Variants in NPIPA5 observed in about 807,000 individuals in gnomAD.
NPIPA5 encodes the protein nuclear pore complex interacting protein family member A5.
NPIPA5 carries 6 observed loss-of-function variants against 21.4 expected under a neutral mutation model. The observed-to-expected ratio is 0.28, with a 90% CI of 0.15 to 0.55. NPIPA5 has a LOEUF of 0.55. Ranked by LOEUF, NPIPA5 falls within the 20% of genes least tolerant of loss-of-function variation. NPIPA5 has a pLI of 0.93. For synonymous variants in NPIPA5, 33 were observed against 115.3 expected (o/e 0.29, Z 4.57); for missense variants, 99 against 318.2 (o/e 0.31, Z 5.24).
intron 2 of NPIPA5, among the ~76,000 whole-genome samples, 200 bp from the exon 3 acceptor site, chr16:15,370,319 C>T (rs868393786): frequency 8.3e-5 from 12 of 145,134 alleles, no homozygotes; most frequent in Middle Eastern, 3.5e-3. Flanking sequence ...CCAAGCTACT[C>T]GGGAGGCTGA....
At chr16:15,374,218 G>C (rs1368278315) in intron 1 of NPIPA5, among the ~76,000 whole-genome samples, 2 of 148,492 alleles carry the variant, frequency 1.3e-5, no homozygotes, top group African/African-American at 2.5e-5. Flanking sequence ...TTTTGAGACA[G>C]AGTTCTGCTC....
At chr16:15,367,094 A>T (rs565384094) in intron 4 of NPIPA5, among the ~76,000 whole-genome samples, 1 of 151,248 alleles carries the variant, frequency 6.6e-6, no homozygotes, top group African/African-American at 2.5e-5. Flanking sequence ...TTGACACAGC[A>T]AAAGCTCATT....
chr16:15,371,045 C>CAAA (rs757452192), intron 2 of NPIPA5, among the ~76,000 whole-genome samples: 1 of 49,380 alleles, frequency 2.0e-5, no homozygotes. Flanking sequence ...GACTCCGTCT[C>CAAA]AAAAAAAAAA....
intron 1 of NPIPA5, among the ~76,000 whole-genome samples, chr16:15,377,700 A>G (rs1598408519): frequency 4.2e-5 from 3 of 70,642 alleles, no homozygotes; most frequent in Non-Finnish European, 9.0e-5. Flanking sequence ...AAAGGAGGAG[A>G]AGGGGGCTGT....
upstream of NPIPA5, among the ~76,000 whole-genome samples, chr16:15,380,501 T>C (rs2050413503): frequency 1.3e-5 from 2 of 151,988 alleles, no homozygotes; most frequent in African/African-American, 4.8e-5. Flanking sequence ...TTTTGTATTT[T>C]TAGTAGGGAC....
intron 1 of NPIPA5, among the ~76,000 whole-genome samples, chr16:15,376,830 T>C (rs568814097): frequency 2.0e-5 from 3 of 152,196 alleles, no homozygotes; most frequent in African/African-American, 7.2e-5. Flanking sequence ...CTACTAAAAA[T>C]ACAAAAATTA....
chr16:15,376,666 C>T (rs551901031), intron 1 of NPIPA5, among the ~76,000 whole-genome samples: 53 of 152,292 alleles, frequency 3.5e-4, no homozygotes, highest in African/African-American at 1.2e-3. Context: ...CGCCTGTAAT[C>T]CCAGCACTGG....
At chr16:15,377,572 G>A (rs1567417692) in intron 1 of NPIPA5, among the ~76,000 whole-genome samples, 1 of 141,710 alleles carries the variant, frequency 7.1e-6, no homozygotes, top group African/African-American at 2.6e-5. Flanking sequence ...AGGTGGAGGT[G>A]GCTTAGGGCA....
chr16:15,376,973 A>T (rs2050314251), intron 1 of NPIPA5, among the ~76,000 whole-genome samples: 2 of 152,108 alleles, frequency 1.3e-5, no homozygotes, highest in African/African-American at 2.4e-5. Flanking sequence ...GACTCTGTCT[A>T]AAAAACAAAC....
upstream of NPIPA5, among the ~76,000 whole-genome samples, chr16:15,379,639 C>T (rs1039121982): frequency 3.3e-5 from 5 of 151,642 alleles, no homozygotes; most frequent in Non-Finnish European, 1.5e-5. Flanking sequence ...TTTTTATATG[C>T]TGCAGCCATG....
chr16:15,368,475 A>G (rs547630665), intron 4 of NPIPA5, among the ~76,000 whole-genome samples: 2 of 152,120 alleles, frequency 1.3e-5, no homozygotes, highest in South Asian at 2.1e-4. Context: ...ACATTTAACA[A>G]AAAAAGATCA....
chr16:15,368,927 C>A (rs1210185246), intron 4 of NPIPA5, among the ~76,000 whole-genome samples: 19 of 119,166 alleles, frequency 1.6e-4, no homozygotes, highest in African/African-American at 5.2e-4. Context: ...TGCAGTGAGC[C>A]AAGATCATGC....
At chr16:15,372,509 AAG>A (rs1016288651) in intron 2 of NPIPA5, among the ~76,000 whole-genome samples, 21 of 146,164 alleles carry the variant, frequency 1.4e-4, no homozygotes, top group African/African-American at 4.3e-4. Flanking sequence ...AAAAAAAAAA[AAG>A]CTTCCTCCAA....
At chr16:15,375,673 T>C (rs1406973376) in intron 1 of NPIPA5, among the ~76,000 whole-genome samples, 9 of 140,412 alleles carry the variant, frequency 6.4e-5, no homozygotes, top group Non-Finnish European at 1.4e-4. Context: ...ACCTGGGAGG[T>C]AGAGGTTGCA....
upstream of NPIPA5, among the ~76,000 whole-genome samples, chr16:15,379,730 G>A (rs570722587): frequency 2.3e-3 from 346 of 152,038 alleles, 1 homozygote; most frequent in Non-Finnish European, 3.2e-3. Flanking sequence ...GGCGGATCAC[G>A]AGGTTAGGGG....
At position 15,376,036 on chromosome 16, in the gene NPIPA5, AATG is replaced by A. The variant is rs748016383; in HGVS notation, c.63+2193_64-2194del. Among the ~76,000 whole-genome samples, 109 of 151,984 alleles carry A rather than the reference AATG, an allele frequency of 7.2e-4. 1 individual carries two copies. The highest frequency in any genetic ancestry group is 1.2e-3 in the Non-Finnish European group (81 of 67,980). ...CAGCATATGCTGAGTCTGAAATGGA[AATG>A]ATGGAGTTAGAGAAGCATACAACAA... On this transcript the variant is annotated intron_variant, in intron 1 of 7. Coordinates refer to ENST00000360151, the MANE Select transcript of NPIPA5 (RefSeq NM_001277325.2).
At chr16:15,370,824 G>A (rs2050136478) in intron 2 of NPIPA5, among the ~76,000 whole-genome samples, 1 of 148,530 alleles carries the variant, frequency 6.7e-6, no homozygotes, top group East Asian at 2.0e-4. Flanking sequence ...GCCGAGGCGG[G>A]TGAATCACGG....
chr16:15,380,110 T>C (rs1369834730), upstream of NPIPA5, among the ~76,000 whole-genome samples: 1 of 151,854 alleles, frequency 6.6e-6, no homozygotes, highest in Admixed American at 6.6e-5. Context: ...TTATTACTAC[T>C]GGACTTTTTG....
At chr16:15,380,034 A>T (rs1057183169), upstream of NPIPA5, among the ~76,000 whole-genome samples, 1 of 151,834 alleles carries the variant, frequency 6.6e-6, no homozygotes, top group Admixed American at 6.6e-5. Context: ...TCTCAAAAAT[A>T]AAAGATCATT....
Sources: allele counts gnomAD v4.1 joint callset (sites outside exome capture counted in the v4.1 genomes callset), GRCh38; gene constraint gnomAD v4.1.1; transcripts MANE v1.5; gene names NCBI Gene and HGNC (gene_info 2026-07-23, HGNC 2026-07-21).